Variants in CLSTN2 observed in about 807,000 individuals in gnomAD.
CLSTN2 encodes calsyntenin 2, also known as calsyntenin-2.
CLSTN2 carries 48 observed loss-of-function variants against 101.2 expected under a neutral mutation model. That is an observed-to-expected ratio of 0.47 (90% CI 0.38 to 0.60). The LOEUF is 0.60. Ranked by LOEUF, CLSTN2 falls within the 20% of genes least tolerant of loss-of-function variation. CLSTN2 has a pLI of 0.00. For synonymous variants in CLSTN2, 481 were observed against 463.6 expected (o/e 1.04, Z -0.48); for missense variants, 1,160 against 1,238.2 (o/e 0.94, Z 0.95).
chr3:140,166,581 G>A (rs556490750), intron 1 of CLSTN2, among the ~76,000 whole-genome samples: 1 of 152,168 alleles, frequency 6.6e-6, no homozygotes, highest in South Asian at 2.1e-4. Context: ...GCTTGGCCCT[G>A]CTGCTTGGAT....
chr3:139,946,245 C>T (rs1935213087), intron 1 of CLSTN2, among the ~76,000 whole-genome samples: 1 of 152,218 alleles, frequency 6.6e-6, no homozygotes, highest in East Asian at 1.9e-4. Context: ...CTCTCTCATG[C>T]TGCCAAGAAA....
At chr3:140,511,541 CTTTTTT>C (rs59924727) in intron 8 of CLSTN2, among the ~76,000 whole-genome samples, 4 of 70,848 alleles carry the variant, frequency 5.6e-5, no homozygotes, top group African/African-American at 6.9e-5. Context: ...TGTTTCTGGA[CTTTTTT>C]TTTTTTTTTT....
intron 1 of CLSTN2, among the ~76,000 whole-genome samples, chr3:140,058,861 A>G (rs926258707): frequency 6.6e-6 from 1 of 151,720 alleles, no homozygotes; most frequent in Non-Finnish European, 1.5e-5. Context: ...GTGTCCTGCG[A>G]AAGGCAGGAA....
At chr3:140,547,673 A>C (rs1456811646) in intron 10 of CLSTN2, among the ~76,000 whole-genome samples, 1 of 152,170 alleles carries the variant, frequency 6.6e-6, no homozygotes, top group Non-Finnish European at 1.5e-5. Context: ...CTATGGCCTC[A>C]GCAGGCACCC....
At chr3:140,216,904 T>C (rs2010928100) in intron 2 of CLSTN2, among the ~76,000 whole-genome samples, 3 of 152,216 alleles carry the variant, frequency 2.0e-5, no homozygotes, top group Admixed American at 2.0e-4. Flanking sequence ...TATGCCAGGC[T>C]CTGTCATAAA....
chr3:140,048,396 A>G (rs970525884), intron 1 of CLSTN2, among the ~76,000 whole-genome samples: 14 of 152,334 alleles, frequency 9.2e-5, no homozygotes, highest in Admixed American at 2.6e-4. Context: ...ACTGAGATTC[A>G]GATTTCCTTA....
intron 1 of CLSTN2, among the ~76,000 whole-genome samples, chr3:139,965,861 C>G (rs139112121): frequency 6.6e-5 from 10 of 152,210 alleles, no homozygotes; most frequent in Admixed American, 3.3e-4. Context: ...TTTTCCCCAA[C>G]AAACCAGTGA....
At chr3:140,450,865 C>T (rs1022190268) in intron 6 of CLSTN2, among the ~76,000 whole-genome samples, 4 of 152,146 alleles carry the variant, frequency 2.6e-5, no homozygotes, top group African/African-American at 9.7e-5. Flanking sequence ...TTCACGTCAC[C>T]AGGCTGGCAG....
At chr3:140,427,722 T>C (rs142623114) in intron 5 of CLSTN2, among the ~76,000 whole-genome samples, 363 of 152,304 alleles carry the variant, frequency 2.4e-3, no homozygotes, top group African/African-American at 8.0e-3. Flanking sequence ...CTGTCTCAAC[T>C]TGAGTGTTTC....
chr3:140,247,837 C>T (rs181851829), intron 2 of CLSTN2, among the ~76,000 whole-genome samples: 12 of 152,246 alleles, frequency 7.9e-5, no homozygotes, highest in Non-Finnish European at 1.0e-4. Context: ...ATTCCTCACC[C>T]CAGTTAATAA....
intron 2 of CLSTN2, among the ~76,000 whole-genome samples, 161 bp from the exon 3 acceptor site, chr3:140,403,468 A>C (rs1430881172): frequency 1.3e-5 from 2 of 152,186 alleles, no homozygotes; most frequent in African/African-American, 4.8e-5. Flanking sequence ...ATTTTTAAGA[A>C]GCTCCCAGGC....
At chr3:139,945,058 A>T (rs1935195487) in intron 1 of CLSTN2, among the ~76,000 whole-genome samples, 1 of 151,600 alleles carries the variant, frequency 6.6e-6, no homozygotes, top group African/African-American at 2.4e-5. Context: ...TCAAATTGTC[A>T]TGTGAAAATT....
intron 1 of CLSTN2, among the ~76,000 whole-genome samples, chr3:140,151,910 G>A (rs968557061): frequency 6.6e-6 from 1 of 152,188 alleles, no homozygotes; most frequent in African/African-American, 2.4e-5. Flanking sequence ...TGTGCTGAGA[G>A]ATGAGCTGAC....
At chr3:140,546,971 G>T (rs1175812668) in intron 10 of CLSTN2, among the ~76,000 whole-genome samples, 2 of 152,218 alleles carry the variant, frequency 1.3e-5, no homozygotes, top group Non-Finnish European at 2.9e-5. Flanking sequence ...GGAAGTTGTT[G>T]TATTTCATTT....
At position 140,043,114 on chromosome 3, in the gene CLSTN2, G is replaced by C. The variant is rs557124678; in HGVS notation, c.109+107631G>C. ...GAATCGCCACACTGTCTTCCACAAT[G>C]GTTGAACTAGTTTACAGTCCCACCA... On this transcript the variant is annotated intron_variant, in intron 1 of 16. Transcript: ENST00000458420. Among the ~76,000 whole-genome samples the C allele has an allele frequency of 1.1e-3, 173 of 152,258 alleles. 2 individuals are homozygous for C. The highest frequency in any genetic ancestry group is 3.8e-3 in the African/African-American group (159 of 41,536).
intron 2 of CLSTN2, among the ~76,000 whole-genome samples, chr3:140,353,482 C>A (rs1314866279): frequency 6.6e-6 from 1 of 152,100 alleles, no homozygotes; most frequent in Admixed American, 6.5e-5. Flanking sequence ...TTGCTGGCAG[C>A]TGATTAGATG....
At chr3:140,526,222 G>C (rs1180509408) in intron 8 of CLSTN2, among the ~76,000 whole-genome samples, 2 of 151,986 alleles carry the variant, frequency 1.3e-5, no homozygotes, top group African/African-American at 4.8e-5. Context: ...AAAGTTTCAG[G>C]ATACAAAATT....
intron 2 of CLSTN2, among the ~76,000 whole-genome samples, chr3:140,182,376 A>C (rs2010421584): frequency 6.6e-6 from 1 of 152,178 alleles, no homozygotes; most frequent in Non-Finnish European, 1.5e-5. Flanking sequence ...TGTGAGTGAG[A>C]ACCACATGGG....
At chr3:140,546,779 C>A in intron 10 of CLSTN2, 98 bp downstream of exon 10, 1 of 1,177,506 alleles carries the variant, frequency 8.5e-7, no homozygotes, top group Non-Finnish European at 1.2e-6. Flanking sequence ...CTTCCTGGAA[C>A]GTTACACAGA....
Sources: allele counts gnomAD v4.1 joint callset (sites outside exome capture counted in the v4.1 genomes callset), GRCh38; gene constraint gnomAD v4.1.1; transcripts MANE v1.5; gene names NCBI Gene and HGNC (gene_info 2026-07-23, HGNC 2026-07-21).